The following CRB1 variants were observed in gnomAD, a reference collection of about 807,000 sequenced individuals.
CRB1 encodes protein crumbs homolog 1.
Under a neutral mutation model 120.0 loss-of-function variants are expected in CRB1, and 83 were observed. That is an observed-to-expected ratio of 0.69 (90% CI 0.58 to 0.83). The LOEUF (loss-of-function observed/expected upper bound fraction) is 0.83, where lower values mean the gene tolerates loss of function less well. CRB1 is among the 40% of genes least tolerant of loss of function. The pLI is 0.00. For missense variants in CRB1, 1,699 were observed against 1,687.6 expected (o/e 1.01, Z -0.12); for synonymous variants, 625 against 612.5 (o/e 1.02, Z -0.30).
At chr1:197,206,085 T>A in the CRB1 span, among the ~76,000 whole-genome samples, 1 of 152,102 alleles carries the variant, frequency 6.6e-6, no homozygotes, top group Non-Finnish European at 1.5e-5. Context: ...TGTATTTCTG[T>A]GGTATCAGCT....
intron 5 of CRB1, among the ~76,000 whole-genome samples, chr1:197,377,577 T>G (rs957605614): frequency 6.6e-6 from 1 of 152,236 alleles, no homozygotes; most frequent in Non-Finnish European, 1.5e-5. Flanking sequence ...TGCCATATTT[T>G]GATAAATTAA....
In CRB1 at chr1:197,356,823, T is replaced by A. The variant is rs942052508; in HGVS notation, c.989-8T>A. 2 of 1,614,134 alleles carry A rather than the reference T, an allele frequency of 1.2e-6. No homozygotes were observed. Among genetic ancestry groups the A allele is most frequent in the Admixed American group, 3.3e-5 (2 of 60,024 alleles). ...ACTTAGCAGCTTCTCTGAATTTTCA[T>A]CATGCAGGATACACAGGTGCCCAGT... On this transcript the variant is annotated splice_polypyrimidine_tract_variant and splice_region_variant and intron_variant, in intron 4 of 11. Transcript: ENST00000367400.
intron 5 of CRB1, chr1:197,364,160 A>G (rs555098796): frequency 1.7e-6 from 1 of 577,792 alleles, no homozygotes; most frequent in South Asian, 4.0e-5. Context: ...TTTTGTCTCC[A>G]TCTCTTTTTT....
intron 1 of CRB1, among the ~76,000 whole-genome samples, chr1:197,269,278 C>T (rs550226885): frequency 6.6e-6 from 1 of 152,314 alleles, no homozygotes; most frequent in African/African-American, 2.4e-5. Flanking sequence ...CGTAGAGCAG[C>T]TGCCGTTGAA....
chr1:197,373,441 A>G (rs543012795), intron 5 of CRB1, among the ~76,000 whole-genome samples: 2 of 152,268 alleles, frequency 1.3e-5, no homozygotes, highest in East Asian at 3.9e-4. Context: ...GGCTGACATG[A>G]GGTTGTCACT....
chr1:197,274,570 TA>T (rs1323210766), intron 1 of CRB1, among the ~76,000 whole-genome samples: 1 of 152,182 alleles, frequency 6.6e-6, no homozygotes, highest in East Asian at 1.9e-4. Context: ...ATTACTATTC[TA>T]AAAGTCCCCT....
chr1:197,391,102 T>C (rs1044357890), intron 5 of CRB1, among the ~76,000 whole-genome samples: 1 of 152,122 alleles, frequency 6.6e-6, no homozygotes, highest in Non-Finnish European at 1.5e-5. Context: ...GAGAATTCGC[T>C]TGGAGACCAG....
intron 1 of CRB1, among the ~76,000 whole-genome samples, chr1:197,279,205 A>G (rs1655385643): frequency 6.6e-6 from 1 of 151,906 alleles, no homozygotes; most frequent in African/African-American, 2.4e-5. Context: ...TTCACTTATC[A>G]TTAGCACCTA....
Position 197,435,153 on chromosome 1 carries a change from T to G in CRB1, c.3290T>G (p.Leu1097Arg). ...IDNIKGLQGC[L>R]STIEIGGIYL... is the part of the protein sequence containing the mutation. ...AATATAAAGGGCCTGCAAGGGTGTC[T>G]AAGTACAATAGAAATCGGAGGCATT... is the stretch of plus-strand genomic sequence containing the variant. Residue 1097 changes from leucine to arginine, a missense_variant, in exon 9 of 12, where the codon CTA becomes CGA. By Grantham distance (102) the Leu-to-Arg change is moderately radical. Transcript: ENST00000367400. The G allele has an allele frequency of 6.2e-7, 1 of 1,613,924 alleles. No individual in the cohort carries two copies. The highest frequency in any genetic ancestry group is 8.5e-7 in the Non-Finnish European group (1 of 1,179,868).
At chr1:197,296,223 A>T (rs1179604499) in intron 1 of CRB1, among the ~76,000 whole-genome samples, 2 of 152,082 alleles carry the variant, frequency 1.3e-5, no homozygotes, top group South Asian at 4.1e-4. Context: ...CTAGAGCCAG[A>T]CTGCAGGCCT....
the CRB1 span, among the ~76,000 whole-genome samples, chr1:197,210,749 A>G: frequency 2.0e-5 from 3 of 152,126 alleles, no homozygotes; most frequent in Non-Finnish European, 4.4e-5. Flanking sequence ...TAAGATGCCA[A>G]AAGTTTTTGT....
intron 2 of CRB1, among the ~76,000 whole-genome samples, chr1:197,335,797 C>T (rs1397562899): frequency 6.6e-6 from 1 of 152,170 alleles, no homozygotes; most frequent in Non-Finnish European, 1.5e-5. Context: ...TCGCCCGGCC[C>T]CTATCAAGTT....
the CRB1 span, chr1:197,222,732 A>G: frequency 2.3e-6 from 2 of 871,598 alleles, no homozygotes; most frequent in Non-Finnish European, 4.0e-6. Flanking sequence ...TTCTCTGAGT[A>G]GGAACAATGG....
chr1:197,291,796 A>G (rs1656198429), intron 1 of CRB1, among the ~76,000 whole-genome samples: 1 of 151,826 alleles, frequency 6.6e-6, no homozygotes. Flanking sequence ...CAACATTGCA[A>G]GTTTCATTCC....
At chr1:197,327,111 A>C (rs76970709) in intron 1 of CRB1, among the ~76,000 whole-genome samples, 28 of 129,018 alleles carry the variant, frequency 2.2e-4, no homozygotes, top group African/African-American at 3.9e-4. Context: ...AAAAAAAAAA[A>C]AAAAAAAAAA....
the CRB1 span, among the ~76,000 whole-genome samples, chr1:197,241,650 G>T: frequency 7.8e-4 from 117 of 149,828 alleles, no homozygotes; most frequent in Middle Eastern, 3.5e-3. Context: ...CTCCAGCTTT[G>T]TTCTTTTTGC....
At chr1:197,319,945 T>C (rs752600271) in intron 1 of CRB1, among the ~76,000 whole-genome samples, 3 of 152,182 alleles carry the variant, frequency 2.0e-5, no homozygotes, top group Non-Finnish European at 4.4e-5. Context: ...TCCCACAAAA[T>C]TAGCATCCTC....
In CRB1 at chr1:197,384,673, G is replaced by A. The variant is rs770994766; in HGVS notation, c.1171+27660G>A. On this transcript the variant is annotated intron_variant, in intron 5 of 11. Transcript: ENST00000367400. ...ACAATAAAATGGCCAAATGAGAACC[G>A]AAATACATTTCACTGTAGCACAGCC... is the stretch of plus-strand genomic sequence containing the variant. Among the ~76,000 whole-genome samples, 3 of 151,180 alleles carry A rather than the reference G, an allele frequency of 2.0e-5. No homozygotes were observed. In the East Asian group the frequency reaches 5.8e-4, roughly 29 times the overall value.
intron 5 of CRB1, among the ~76,000 whole-genome samples, chr1:197,378,426 C>T (rs1315156013): frequency 1.3e-5 from 2 of 152,108 alleles, no homozygotes; most frequent in East Asian, 3.9e-4. Context: ...CCTCTCTTTT[C>T]TCTTCCTTGT....
Sources: allele counts gnomAD v4.1 joint callset (sites outside exome capture counted in the v4.1 genomes callset), GRCh38; gene constraint gnomAD v4.1.1; transcripts MANE v1.5; gene names NCBI Gene and HGNC (gene_info 2026-07-23, HGNC 2026-07-21).